SETBP1: variants seen among roughly 807,000 people sequenced by gnomAD.
SETBP1 encodes the protein SET-binding protein.
In SETBP1, 9 loss-of-function variants were observed where a neutral mutation model predicts 101.0. The ratio of observed to expected loss-of-function variants is 0.09; its 90% CI spans 0.05 to 0.16. The LOEUF (loss-of-function observed/expected upper bound fraction) is 0.16. Ranked by LOEUF, SETBP1 falls within the 10% of genes least tolerant of loss-of-function variation. SETBP1 has a pLI of 1.00. For synonymous variants in SETBP1, 818 were observed against 788.5 expected, an observed-to-expected ratio of 1.04 and a Z score of -0.63; for missense variants, 1,858 against 2,033.8, an observed-to-expected ratio of 0.91 and a Z score of 1.66.
chr18:44,892,753 C>T (rs1402318834), intron 3 of SETBP1, among the ~76,000 whole-genome samples: 3 of 152,108 alleles, frequency 2.0e-5, no homozygotes, highest in African/African-American at 7.2e-5. Flanking sequence ...CTCATCCACA[C>T]AATAACTTCA....
chr18:44,763,296 T>C (rs2070698714), intron 2 of SETBP1, among the ~76,000 whole-genome samples: 1 of 152,212 alleles, frequency 6.6e-6, no homozygotes, highest in Non-Finnish European at 1.5e-5. Flanking sequence ...CAAACTTTGA[T>C]GGGCAGAGGG....
intron 2 of SETBP1, among the ~76,000 whole-genome samples, chr18:44,788,922 T>C (rs1361553635): frequency 1.3e-5 from 2 of 150,982 alleles, no homozygotes; most frequent in Non-Finnish European, 2.9e-5. Flanking sequence ...CTCAGCCTCA[T>C]GAGTAGCTTA....
chr18:45,033,023 ATAT>A (rs773634931), intron 4 of SETBP1, among the ~76,000 whole-genome samples: 5 of 152,210 alleles, frequency 3.3e-5, no homozygotes, highest in Admixed American at 6.5e-5. Flanking sequence ...GCACAAAAAA[ATAT>A]TATTTCCCAA....
chr18:44,767,728 A>T (rs1262827992), intron 2 of SETBP1, among the ~76,000 whole-genome samples: 1 of 152,244 alleles, frequency 6.6e-6, no homozygotes, highest in East Asian at 1.9e-4. Flanking sequence ...TGTGAAAATT[A>T]TGTTATTCTT....
At chr18:44,681,739 A>T (rs911055434) in intron 1 of SETBP1, among the ~76,000 whole-genome samples, 2 of 152,030 alleles carry the variant, frequency 1.3e-5, no homozygotes, top group Non-Finnish European at 2.9e-5. Flanking sequence ...TCTGTGTTGG[A>T]TTCTCAGGGT....
intron 4 of SETBP1, among the ~76,000 whole-genome samples, chr18:44,981,764 C>G (rs1442008378): frequency 1.3e-5 from 2 of 152,188 alleles, no homozygotes; most frequent in Admixed American, 1.3e-4. Flanking sequence ...GCTTCTTTTT[C>G]CCCCGCTTTT....
At chr18:44,691,479 T>C (rs1458522383) in intron 1 of SETBP1, among the ~76,000 whole-genome samples, 1 of 150,908 alleles carries the variant, frequency 6.6e-6, no homozygotes, top group South Asian at 2.1e-4. Flanking sequence ...CCAGGCAGGA[T>C]TGTAGAGATT....
chr18:44,929,448 G>C (rs1366543879), intron 3 of SETBP1, among the ~76,000 whole-genome samples: 1 of 152,140 alleles, frequency 6.6e-6, no homozygotes, highest in African/African-American at 2.4e-5. Context: ...GAACTTTAAA[G>C]TAGTTTTTTC....
chr18:44,726,850 T>C (rs563817687), intron 2 of SETBP1, among the ~76,000 whole-genome samples: 1 of 152,308 alleles, frequency 6.6e-6, no homozygotes, highest in South Asian at 2.1e-4. Context: ...TAGATTATTG[T>C]GTGTCAGTTG....
At chr18:44,836,359 A>G (rs911167510) in intron 2 of SETBP1, among the ~76,000 whole-genome samples, 1 of 152,098 alleles carries the variant, frequency 6.6e-6, no homozygotes, top group Non-Finnish European at 1.5e-5. Flanking sequence ...GTTCAACGTT[A>G]TTGCTGCCCA....
At chr18:45,058,567 G>A (rs193141189) in intron 5 of SETBP1, among the ~76,000 whole-genome samples, 3 of 152,154 alleles carry the variant, frequency 2.0e-5, no homozygotes, top group Non-Finnish European at 4.4e-5. Context: ...GGGTTAAGGG[G>A]TTTATCTCAG....
Position 44,760,770 on chromosome 18 carries a change from G to A in SETBP1, c.486+58938G>A, listed in dbSNP as rs150668647. ...GGAAATAGAGGGAGGTGTATATACT[G>A]TTTTTTAACTCGCAGTAAAATATAT... On this transcript the variant is annotated intron_variant, in intron 2 of 5. Transcript: ENST00000649279. Among the ~76,000 whole-genome samples, 14 of 152,226 alleles carry A rather than the reference G, an allele frequency of 9.2e-5. No homozygotes were observed. In the East Asian group the frequency reaches 1.7e-3, roughly 19 times the overall value.
At chr18:44,773,662 C>A (rs1403542862) in intron 2 of SETBP1, among the ~76,000 whole-genome samples, 1 of 152,106 alleles carries the variant, frequency 6.6e-6, no homozygotes, top group African/African-American at 2.4e-5. Flanking sequence ...AACACCCAAA[C>A]CAAAACAAAC....
At chr18:44,846,048 C>T (rs2072718946) in intron 2 of SETBP1, among the ~76,000 whole-genome samples, 1 of 152,190 alleles carries the variant, frequency 6.6e-6, no homozygotes, top group African/African-American at 2.4e-5. Context: ...CAAGGCTCCT[C>T]ATGTTGAAAT....
intron 2 of SETBP1, among the ~76,000 whole-genome samples, chr18:44,742,593 C>T (rs1230326039): frequency 6.6e-6 from 1 of 152,190 alleles, no homozygotes; most frequent in Non-Finnish European, 1.5e-5. Context: ...GAATCCCTAC[C>T]AGAAGATTTG....
rs1379077675 is a variant in SETBP1 at position 44,786,719 on chromosome 18, T to C, written c.487-82511T>C. On this transcript the variant is annotated intron_variant, in intron 2 of 5. Coordinates refer to ENST00000649279, the MANE Select transcript of SETBP1 (RefSeq NM_015559.3). ...AACATTTTTGGGTATTAGTTAAACATTGCCTGAATATTTGGATCTTGCTTT... is the reference window on the plus strand; with the variant it reads ...AACATTTTTGGGTATTAGTTAAACACTGCCTGAATATTTGGATCTTGCTTT... Among the ~76,000 whole-genome samples the C allele has an allele frequency of 2.6e-5, 4 of 152,172 alleles. 1 individual carries two copies. In the East Asian group the frequency reaches 5.8e-4, roughly 22 times the overall value.
chr18:44,727,650 A>G (rs2069743887), intron 2 of SETBP1, among the ~76,000 whole-genome samples: 1 of 152,192 alleles, frequency 6.6e-6, no homozygotes, highest in Non-Finnish European at 1.5e-5. Context: ...AACACCTTAA[A>G]TATGAAATCT....
At chr18:44,683,433 G>C (rs1460723744) in intron 1 of SETBP1, among the ~76,000 whole-genome samples, 4 of 152,292 alleles carry the variant, frequency 2.6e-5, no homozygotes, top group South Asian at 2.1e-4. Flanking sequence ...CAGGAGGCAG[G>C]ATTTTGCTGA....
chr18:44,949,989 C>A lies in SETBP1; in HGVS notation c.649C>A (p.Gln217Lys). ...KPKHQQKSSS[Q>K]NHMDWSTNSD... ...AAAGCACCAGCAAAAAAGCAGCAGC[C>A]AGAACCACATGGACTGGTCCACCAA... The change falls in exon 4 of 6, where the codon CAG becomes AAG. Residue 217 changes from glutamine (Q) to lysine (K), a missense_variant. Gln to Lys is a moderately conservative substitution (Grantham distance 53). Transcript: ENST00000649279. The A allele has an allele frequency of 6.2e-7, 1 of 1,614,186 alleles. No homozygotes were observed. The highest frequency in any genetic ancestry group is 8.5e-7 in the Non-Finnish European group (1 of 1,180,028).
Sources: gnomAD v4.1 joint callset for allele counts (sites outside exome capture counted in the v4.1 genomes callset) on GRCh38, gnomAD v4.1.1 for gene constraint, MANE v1.5 for transcripts, NCBI Gene and HGNC (gene_info 2026-07-23, HGNC 2026-07-21) for gene names.